The following NF1 variants were observed in gnomAD, a reference collection of about 807,000 sequenced individuals.
NF1 encodes neurofibromin 1.
NF1 carries 122 observed loss-of-function variants against 325.7 expected under a neutral mutation model. That is an observed-to-expected ratio of 0.37 (90% CI 0.32 to 0.44). The LOEUF is 0.44. Among genes scored for constraint, NF1 ranks in the 20% least tolerant of loss-of-function variants. NF1 has a pLI of 1.00. For synonymous variants in NF1, 1,091 were observed against 1,186.0 expected (o/e 0.92, Z 1.65); for missense variants, 2,140 against 3,415.4 (o/e 0.63, Z 9.31).
intron 36 of NF1, among the ~76,000 whole-genome samples, chr17:31,323,541 A>G (rs1461523902): frequency 1.3e-5 from 2 of 152,214 alleles, no homozygotes; most frequent in Non-Finnish European, 2.9e-5. Context: ...ATGCTGAGAA[A>G]TGGTGAGCCC....
At chr17:31,278,558 T>A (rs1597772342) in intron 36 of NF1, among the ~76,000 whole-genome samples, 2 of 136,864 alleles carry the variant, frequency 1.5e-5, no homozygotes, top group South Asian at 5.0e-4. Flanking sequence ...TTTTATGCCA[T>A]GTCTATGCTC....
chr17:31,187,724 A>G (rs375768463), intron 8 of NF1, among the ~76,000 whole-genome samples: 6 of 152,158 alleles, frequency 3.9e-5, no homozygotes. Context: ...CATCACCCCT[A>G]GTGATCCACT....
In NF1 at chr17:31,156,101, C is replaced by G. The variant is rs1007047958; in HGVS notation, c.179C>G (p.Thr60Ser). The G allele has an allele frequency of 6.2e-7, 1 of 1,613,500 alleles. No homozygotes were observed. Among genetic ancestry groups the G allele is most frequent in the Admixed American group, 1.7e-5 (1 of 60,004 alleles). Reference protein sequence around the residue: ...KFSLVISGLTTILKNVNNMRI... With the variant: ...KFSLVISGLTSILKNVNNMRI... ...TCTTTGGTTATAAGCGGCCTCACTA[C>G]TATTTTAAAGAATGTTAACAATATG... Residue 60 changes from threonine (T) to serine (S), a missense_variant, in exon 2 of 58, where the codon ACT becomes AGT. Transcript: ENST00000358273.
At chr17:31,370,902 A>G (rs912288971) in intron 57 of NF1, among the ~76,000 whole-genome samples, 2 of 152,150 alleles carry the variant, frequency 1.3e-5, no homozygotes, top group African/African-American at 2.4e-5. Context: ...ATTTTCTATT[A>G]AAGAAACAAC....
intron 35 of NF1, 147 bp downstream of exon 35, chr17:31,262,004 A>C: frequency 8.9e-6 from 6 of 674,280 alleles, no homozygotes. Flanking sequence ...ATCCAACTAT[A>C]TATTATTTAT....
chr17:31,349,021 C>A, intron 48 of NF1, 99 bp from the exon 49 acceptor site: 4 of 1,441,520 alleles, frequency 2.8e-6, no homozygotes, highest in Non-Finnish European at 3.8e-6. Context: ...TATTTCCTTT[C>A]CTTGCAGAGT....
chr17:31,163,149 A>T, intron 3 of NF1, 37 bp from the exon 4 acceptor site: 1 of 1,605,740 alleles, frequency 6.2e-7, no homozygotes, highest in Non-Finnish European at 8.5e-7. Flanking sequence ...TACAGGTAAA[A>T]TTAAAGTTTA....
rs868599410 is a variant in NF1 at position 31,128,437 on chromosome 17, G to T, written c.61-27546G>T. ...AGTGTCACTGGTTATGTACTTAAGT[G>T]TGTTTTTTTTAGTGTCTGATAATGT... On this transcript the variant is annotated intron_variant, in intron 1 of 57. Transcript: ENST00000358273. 5 of 152,212 alleles carry T rather than the reference G, an allele frequency of 3.3e-5. No homozygotes were observed. The South Asian group carries it at 1.0e-3, about 32-fold the overall frequency. The allele number at this position is 152,212 out of a possible 1,614,324, so 9.4% of individuals were successfully genotyped here.
chr17:31,318,516 G>T, intron 36 of NF1: 1 of 1,614,054 alleles, frequency 6.2e-7, no homozygotes, highest in Non-Finnish European at 8.5e-7. Context: ...TTGATCGTCT[G>T]AGAGAAGAGA....
intron 12 of NF1, among the ~76,000 whole-genome samples, chr17:31,212,196 G>A (rs1408894781): frequency 5.3e-5 from 8 of 152,100 alleles, no homozygotes; most frequent in Non-Finnish European, 1.0e-4. Flanking sequence ...AAACATACAC[G>A]TTAGCCTAGG....
chr17:31,179,927 G>A (rs1021788100), intron 5 of NF1, among the ~76,000 whole-genome samples: 4 of 152,106 alleles, frequency 2.6e-5, no homozygotes, highest in South Asian at 2.1e-4. Context: ...TATCACCACC[G>A]ATCCCACAGA....
At chr17:31,202,595 G>A (rs1391063128) in intron 11 of NF1, among the ~76,000 whole-genome samples, 37 of 152,010 alleles carry the variant, frequency 2.4e-4, no homozygotes, top group Admixed American at 2.4e-3. Flanking sequence ...AGATCGTCTG[G>A]CCTCATTTCA....
Position 31,141,699 on chromosome 17 carries a change from G to A in NF1, c.61-14284G>A, listed in dbSNP as rs148417538. ...GTTTCTATGGGTCAGGAAGATAGGG[G>A]TACCTTAGCTGGATGCCTCTGGAGC... is the stretch of plus-strand genomic sequence containing the variant. On this transcript the variant is annotated intron_variant, in intron 1 of 57. Transcript: ENST00000358273. Among the ~76,000 whole-genome samples, 276 of 152,250 alleles carry A rather than the reference G, an allele frequency of 1.8e-3. 2 individuals are homozygous for A. Among genetic ancestry groups the A allele is most frequent in the Middle Eastern group, 6.8e-3 (2 of 294 alleles).
At chr17:31,168,521 C>A (rs944702770) in intron 4 of NF1, among the ~76,000 whole-genome samples, 1 of 152,072 alleles carries the variant, frequency 6.6e-6, no homozygotes, top group African/African-American at 2.4e-5. Flanking sequence ...TAATCAGTAT[C>A]ATTTCTTCAT....
intron 36 of NF1, chr17:31,295,254 C>T: frequency 1.2e-6 from 2 of 1,613,984 alleles, no homozygotes; most frequent in Non-Finnish European, 1.7e-6. Context: ...GTGACCATTC[C>T]ATCTTGGAGA....
Position 31,336,187 on chromosome 17 carries a change from CA to C in NF1, c.6007-145del, listed in dbSNP as rs1230529459. 1.4e-6 allele frequency: 1 copy of C among 740,088 alleles called. No individual in the cohort carries two copies. Among genetic ancestry groups the C allele is most frequent in the African/African-American group, 1.8e-5 (1 of 56,766 alleles). The allele number at this position is 740,088 out of a possible 1,614,324, so 45.8% of individuals were successfully genotyped here. ...TTTTATAATAAATTGTATTTACTGA[CA>C]GGCCTGTAAATAAAATCTAGTATTT... On this transcript the variant is annotated intron_variant, in intron 40 of 57. Transcript: ENST00000358273. The surrounding 1 kb of genome is among the most constrained non-coding windows in gnomAD (Gnocchi z 5.5).
In NF1 at chr17:31,375,273, TTCC is replaced by T. The variant is rs1796498564; in HGVS notation, c.*1127_*1129del. On this transcript the variant is annotated 3_prime_UTR_variant, in exon 58 of 58. Transcript: ENST00000358273. ...GATGTATTTTGAATGTCTTTTAATC[TTCC>T]TCCTCCTCTCCAAAAAAATCAGAAA... 4.4e-6 allele frequency: 1 copy of T among 227,538 alleles called. No individual in the cohort carries two copies. The highest frequency in any genetic ancestry group is 8.8e-6 in the Non-Finnish European group (1 of 114,198). The allele number at this position is 227,538 out of a possible 1,614,324, so 14.1% of individuals were successfully genotyped here.
intron 15 of NF1, 153 bp downstream of exon 15, chr17:31,222,082 A>C: frequency 7.7e-7 from 1 of 1,298,474 alleles, no homozygotes; most frequent in Non-Finnish European, 9.8e-7. Flanking sequence ...AATTATTAGA[A>C]TTTCTTGTTT....
chr17:31,350,198 C>T lies in NF1; in HGVS notation c.7337C>T (p.Ser2446Phe), dbSNP rs2151574288. The change falls in exon 50 of 58, where the codon TCT becomes TTT. Residue 2446 changes from serine to phenylalanine, a missense_variant. Ser to Phe is a radical substitution (Grantham distance 155). Coordinates refer to ENST00000358273, the MANE Select transcript of NF1 (RefSeq NM_001042492.3). ...VAYLAALLTV[S>F]EEVRSRCSLK... ...TTCCTTTTAGCTTTACTTACAGTGTCTGAAGAAGTTCGAAGTCGCTGCAGC... is the reference window on the plus strand; with the variant it reads ...TTCCTTTTAGCTTTACTTACAGTGTTTGAAGAAGTTCGAAGTCGCTGCAGC... The T allele has an allele frequency of 6.2e-7, 1 of 1,613,964 alleles. No homozygotes were observed. Among genetic ancestry groups the T allele is most frequent in the Non-Finnish European group, 8.5e-7 (1 of 1,179,900 alleles).
Sources: gnomAD v4.1 joint callset for allele counts (sites outside exome capture counted in the v4.1 genomes callset) on GRCh38, gnomAD v4.1.1 for gene constraint, Gnocchi (gnomAD v3.1) non-coding constraint, MANE v1.5 for transcripts, NCBI Gene and HGNC (gene_info 2026-07-23, HGNC 2026-07-21) for gene names.